FAM3C: variants seen among roughly 807,000 people sequenced by gnomAD.
FAM3C encodes the protein FAM3 metabolism regulating signaling molecule C, also known as protein FAM3C.
FAM3C carries 15 observed loss-of-function variants against 32.5 expected under a neutral mutation model. That is an observed-to-expected ratio of 0.46 (90% CI 0.31 to 0.71). FAM3C has a LOEUF of 0.71. FAM3C is among the 30% of genes least tolerant of loss of function. The probability of loss-of-function intolerance (pLI) is 0.05; values close to 1 mark genes in which losing one functional copy is unlikely to be tolerated. For synonymous variants in FAM3C, 75 were observed against 86.1 expected, an observed-to-expected ratio of 0.87 and a Z score of 0.72; for missense variants, 175 against 274.4, an observed-to-expected ratio of 0.64 and a Z score of 2.56.
At chr7:121,363,002 T>C (rs1793955840) in intron 6 of FAM3C, 55 bp from the exon 7 acceptor site, 1 of 793,964 alleles carries the variant, frequency 1.3e-6, no homozygotes, top group Non-Finnish European at 2.1e-6. Context: ...TCATACACTG[T>C]AAGACCAATA....
chr7:121,364,074 T>C lies in FAM3C; in HGVS notation c.331+56A>G, dbSNP rs756172944. On this transcript the variant is annotated intron_variant, in intron 6 of 9. Coordinates refer to ENST00000359943, the MANE Select transcript of FAM3C (RefSeq NM_014888.3). ...TGATCCTCTGATAGTGCATTTTACT[T>C]TGGGACAGAAAAATACCCAATGATT... 8.9e-4 allele frequency: 1,035 copies of C among 1,165,100 alleles called. 14 individuals carry two copies. Among genetic ancestry groups the C allele is most frequent in the Non-Finnish European group, 1.4e-4 (109 of 773,084 alleles). 72.2% of individuals were successfully genotyped at this position (1,165,100 alleles called of 1,614,324 possible). A position where few individuals can be genotyped will look rare whatever the true frequency, so the allele number is the denominator to read the frequency against.
chr7:121,384,218 T>C (rs1298943159), intron 1 of FAM3C, among the ~76,000 whole-genome samples: 2 of 152,208 alleles, frequency 1.3e-5, no homozygotes, highest in African/African-American at 4.8e-5. Flanking sequence ...ATTGATTTCC[T>C]TTGTTAATTA....
At chr7:121,352,078 T>C (rs1191460868) in intron 8 of FAM3C, among the ~76,000 whole-genome samples, 1 of 152,196 alleles carries the variant, frequency 6.6e-6, no homozygotes, top group Non-Finnish European at 1.5e-5. Context: ...TTGAGTCCTA[T>C]ATACTGCGCA....
intron 3 of FAM3C, among the ~76,000 whole-genome samples, chr7:121,378,332 T>A (rs1179843851): frequency 1.3e-5 from 2 of 152,126 alleles, no homozygotes; most frequent in African/African-American, 4.8e-5. Context: ...CTTTCTTTTT[T>A]TTTAAGAGAT....
At chr7:121,384,544 C>T (rs1477104883) in intron 1 of FAM3C, among the ~76,000 whole-genome samples, 6 of 152,136 alleles carry the variant, frequency 3.9e-5, no homozygotes, top group African/African-American at 4.8e-5. Context: ...TAAGCAGTTA[C>T]GCACCAGGTA....
intron 5 of FAM3C, among the ~76,000 whole-genome samples, chr7:121,369,014 C>T (rs1241358925): frequency 7.4e-5 from 11 of 148,702 alleles, no homozygotes; most frequent in South Asian, 2.1e-4. Context: ...CTCGCTCTGC[C>T]GCCCACCCAG....
intron 1 of FAM3C, 101 bp from the exon 2 acceptor site, chr7:121,383,111 A>G: frequency 1.7e-6 from 1 of 599,162 alleles, no homozygotes; most frequent in Non-Finnish European, 2.8e-6. Context: ...AAATTTTATG[A>G]CATTTCTAAG....
At position 121,360,091 on chromosome 7, in the gene FAM3C, T is replaced by C. The variant is rs1793889496; in HGVS notation, c.419A>G (p.Gln140Arg). ...APFIEFLKAIQDGTIVLMGTY... is the reference protein window; with the variant it reads ...APFIEFLKAIRDGTIVLMGTY... ...TCCCATTAAAACTATTGTTCCATCT[T>C]GTATGGCCTTCAGAAACTCAATAAA... Residue 140 changes from glutamine (Q) to arginine (R), a missense_variant, in exon 8 of 10, where the codon CAA becomes CGA. Gln to Arg is a conservative substitution (Grantham distance 43). Coordinates refer to ENST00000359943, the MANE Select transcript of FAM3C (RefSeq NM_014888.3). 4 of 1,603,524 alleles carry C rather than the reference T, an allele frequency of 2.5e-6. No homozygotes were observed. The South Asian group carries it at 3.3e-5, about 13-fold the overall frequency.
At chr7:121,371,971 A>T (rs1044784870) in intron 4 of FAM3C, 139 bp downstream of exon 4, 1 of 607,366 alleles carries the variant, frequency 1.6e-6, no homozygotes, top group African/African-American at 1.9e-5. Flanking sequence ...CTGTCCAATC[A>T]AATAGCATCC....
At chr7:121,380,028 A>G (rs1794317750) in intron 2 of FAM3C, among the ~76,000 whole-genome samples, 2 of 152,162 alleles carry the variant, frequency 1.3e-5, no homozygotes, top group Admixed American at 6.5e-5. Flanking sequence ...TGCATAAGAG[A>G]GCAAAATTCT....
chr7:121,364,204 T>G lies in FAM3C; in HGVS notation c.273-16A>C. ...ACTCATTAAACTGAAGGGGGAGAAA[T>G]TGAAATAAATTTAGAATTAAATATT... On this transcript the variant is annotated splice_polypyrimidine_tract_variant and intron_variant, in intron 5 of 9. Transcript: ENST00000359943. 2 of 1,504,836 alleles carry G rather than the reference T, an allele frequency of 1.3e-6. No individual in the cohort carries two copies. The highest frequency in any genetic ancestry group is 1.8e-6 in the Non-Finnish European group (2 of 1,083,268). The allele number at this position is 1,504,836 out of a possible 1,614,324, so 93.2% of individuals were successfully genotyped here.
chr7:121,391,086 T>C (rs1342874967), intron 1 of FAM3C, among the ~76,000 whole-genome samples: 1 of 152,202 alleles, frequency 6.6e-6, no homozygotes, highest in Non-Finnish European at 1.5e-5. Flanking sequence ...ATTACTCAAA[T>C]GTTTTCTTGC....
chr7:121,365,981 G>A (rs779466427), intron 5 of FAM3C, among the ~76,000 whole-genome samples: 13 of 152,054 alleles, frequency 8.5e-5, no homozygotes, highest in Non-Finnish European at 1.5e-4. Context: ...TAATCATCAG[G>A]GAAATGCAAA....
Position 121,350,423 on chromosome 7 carries a change from G to C in FAM3C, c.*38C>G, listed in dbSNP as rs771429808. On this transcript the variant is annotated 3_prime_UTR_variant, in exon 10 of 10. Transcript: ENST00000359943. Reference sequence around the variant, plus strand: ...GCCATTTATAGCTCTCCCATTAAGAGTGAAAGTGCGCTTTCTTCAATTCTC... The same window carrying C: ...GCCATTTATAGCTCTCCCATTAAGACTGAAAGTGCGCTTTCTTCAATTCTC... The C allele has an allele frequency of 5.0e-6, 8 of 1,610,040 alleles. No individual in the cohort carries two copies. Among genetic ancestry groups the C allele is most frequent in the Non-Finnish European group, 6.8e-6 (8 of 1,178,646 alleles).
At chr7:121,355,647 T>C (rs1793792858) in intron 8 of FAM3C, among the ~76,000 whole-genome samples, 2 of 152,176 alleles carry the variant, frequency 1.3e-5, no homozygotes. Context: ...CAAGTGAGCA[T>C]ATGATAGTCT....
intron 2 of FAM3C, chr7:121,380,279 T>C (rs1456021012): frequency 6.6e-6 from 1 of 152,110 alleles, no homozygotes; most frequent in African/African-American, 2.4e-5. Context: ...AAAACAGTCA[T>C]ATGAAAACTT....
chr7:121,363,071 TAG>T (rs1276911012), intron 6 of FAM3C, 124 bp from the exon 7 acceptor site: 2 of 541,930 alleles, frequency 3.7e-6, no homozygotes, highest in East Asian at 6.8e-5. Context: ...TCATTAGCAT[TAG>T]AGAGATGTGA....
At chr7:121,351,379 CAG>C (rs1193040821) in intron 8 of FAM3C, 110 bp from the exon 9 acceptor site, 10 of 1,018,374 alleles carry the variant, frequency 9.8e-6, no homozygotes, top group Non-Finnish European at 1.3e-5. Context: ...CTTTAAATAA[CAG>C]AACATTTTGG....
chr7:121,351,020 G>A, intron 9 of FAM3C, 123 bp downstream of exon 9: 1 of 906,166 alleles, frequency 1.1e-6, no homozygotes, highest in Non-Finnish European at 1.6e-6. Flanking sequence ...AAGAATTTAT[G>A]ACAAATATAT....
Sources: gnomAD v4.1 joint callset for allele counts (sites outside exome capture counted in the v4.1 genomes callset) on GRCh38, gnomAD v4.1.1 for gene constraint, MANE v1.5 for transcripts, NCBI Gene and HGNC (gene_info 2026-07-23, HGNC 2026-07-21) for gene names.